EXT1: variants seen among roughly 807,000 people sequenced by gnomAD.
EXT1 encodes the protein exostosin-1.
EXT1 carries 20 observed loss-of-function variants against 82.5 expected under a neutral mutation model. That is an observed-to-expected ratio of 0.24 (90% confidence interval 0.17 to 0.35). EXT1 has a LOEUF of 0.35. Ranked by LOEUF, EXT1 falls within the 10% of genes least tolerant of loss-of-function variation. The pLI is 1.00. For missense variants in EXT1, 757 were observed against 936.5 expected, an observed-to-expected ratio of 0.81 and a Z score of 2.50; for synonymous variants, 348 against 350.8, an observed-to-expected ratio of 0.99 and a Z score of 0.09.
intron 1 of EXT1, among the ~76,000 whole-genome samples, chr8:117,860,648 G>C (rs1483368314): frequency 6.6e-6 from 1 of 152,196 alleles, no homozygotes; most frequent in Admixed American, 6.5e-5. Flanking sequence ...TTTAGTCCCT[G>C]TTGAATCTAA....
Position 117,965,358 on chromosome 8 carries a change from G to A in EXT1, c.963-128157C>T, listed in dbSNP as rs138472031. On this transcript the variant is annotated intron_variant, in intron 1 of 10. Coordinates refer to ENST00000378204, the MANE Select transcript of EXT1 (RefSeq NM_000127.3). ...ATTGCTACTGTTTAATTAATAACCT[G>A]GAGTGGAATCAGTGCCGCTAGTTGG... 6.3e-3 allele frequency among the ~76,000 whole-genome samples: 962 copies of A among 152,066 alleles called. 10 individuals carry two copies. Among genetic ancestry groups the A allele is most frequent in the African/African-American group, 0.022 (922 of 41,502 alleles).
intron 1 of EXT1, among the ~76,000 whole-genome samples, chr8:118,075,483 A>G (rs1396562335): frequency 2.6e-5 from 4 of 151,548 alleles, no homozygotes; most frequent in Non-Finnish European, 4.4e-5. Flanking sequence ...CAAGTTTCTC[A>G]TTATTTAAAC....
chr8:117,813,591 T>C (rs1396955645), intron 7 of EXT1, among the ~76,000 whole-genome samples: 1 of 152,142 alleles, frequency 6.6e-6, no homozygotes, highest in Non-Finnish European at 1.5e-5. Context: ...CATTTACAAA[T>C]TAAAATATGT....
At chr8:117,952,151 T>C (rs1360685525) in intron 1 of EXT1, among the ~76,000 whole-genome samples, 1 of 152,182 alleles carries the variant, frequency 6.6e-6, no homozygotes, top group Non-Finnish European at 1.5e-5. Flanking sequence ...GTAATTACCC[T>C]AGGAAAATCA....
At chr8:117,840,391 T>A (rs1198963649) in intron 1 of EXT1, among the ~76,000 whole-genome samples, 1 of 152,130 alleles carries the variant, frequency 6.6e-6, no homozygotes, top group East Asian at 1.9e-4. Flanking sequence ...GGCAGGCAGA[T>A]CACCTGATGT....
intron 1 of EXT1, among the ~76,000 whole-genome samples, chr8:118,040,855 T>C (rs1816515853): frequency 6.6e-6 from 1 of 152,212 alleles, no homozygotes; most frequent in Non-Finnish European, 1.5e-5. Flanking sequence ...TCAGTTAAGC[T>C]ACTAAATTTC....
chr8:117,840,242 C>T (rs894798683), intron 1 of EXT1, among the ~76,000 whole-genome samples: 1 of 152,118 alleles, frequency 6.6e-6, no homozygotes, highest in Non-Finnish European at 1.5e-5. Flanking sequence ...AGGAGCTTTA[C>T]TCTGGGGCAG....
chr8:117,969,936 A>C (rs1336986065), intron 1 of EXT1, among the ~76,000 whole-genome samples: 2 of 152,200 alleles, frequency 1.3e-5, no homozygotes, highest in Admixed American at 1.3e-4. Context: ...GCTGATTTTT[A>C]AAAGATTAGA....
In EXT1 at chr8:118,110,838, T is replaced by A; in HGVS notation, c.209A>T (p.Gln70Leu). The change falls in exon 1 of 11, where the codon CAA (glutamine) becomes CTA (leucine). Residue 70 changes from glutamine to leucine, a missense_variant. Coordinates refer to ENST00000378204, the MANE Select transcript of EXT1 (RefSeq NM_000127.3). ...CACGCTGGAATCCTCGTTTTCCAAT[T>A]GATCCCAAGGAACGAAGGGGCGCAG... ...DALRPFVPWD[Q>L]LENEDSSVHI... 6.2e-7 allele frequency: 1 copy of A among 1,612,532 alleles called. No homozygotes were observed. Among genetic ancestry groups the A allele is most frequent in the Non-Finnish European group, 8.5e-7 (1 of 1,178,844 alleles).
chr8:117,957,686 CA>C (rs1394526164), intron 1 of EXT1, among the ~76,000 whole-genome samples: 1 of 152,196 alleles, frequency 6.6e-6, no homozygotes, highest in Admixed American at 6.5e-5. Context: ...ACACCCAGCA[CA>C]ATCATTTGAG....
rs560839065 is a variant in EXT1 at position 117,802,124 on chromosome 8, T to C, written c.2056-2227A>G. Among the ~76,000 whole-genome samples, 298 of 152,252 alleles carry C rather than the reference T, an allele frequency of 2.0e-3. 1 individual carries two copies. The highest frequency in any genetic ancestry group is 6.8e-3 in the African/African-American group (283 of 41,560). The stretch of plus-strand genomic sequence containing the variant: ...TGTATGATGGAAAGAAGGGGGCAAA[T>C]ATAGTACCTGAATACACCTAGTTAG... On this transcript the variant is annotated intron_variant, in intron 10 of 10. Transcript: ENST00000378204.
At chr8:117,840,690 T>C (rs1205511881) in intron 1 of EXT1, among the ~76,000 whole-genome samples, 2 of 149,888 alleles carry the variant, frequency 1.3e-5, no homozygotes, top group East Asian at 1.9e-4. Context: ...CTAGAATACA[T>C]AAAGAACTCT....
intron 1 of EXT1, among the ~76,000 whole-genome samples, chr8:117,940,402 G>A (rs971161833): frequency 6.6e-6 from 1 of 152,100 alleles, no homozygotes; most frequent in Non-Finnish European, 1.5e-5. Flanking sequence ...ATTCCTGGAA[G>A]AGCCCCCCGT....
intron 1 of EXT1, among the ~76,000 whole-genome samples, chr8:118,079,530 T>G (rs1359692231): frequency 6.6e-6 from 1 of 152,164 alleles, no homozygotes; most frequent in Non-Finnish European, 1.5e-5. Flanking sequence ...CCAGGCATTG[T>G]TCAGCCGGCT....
At chr8:118,062,909 C>T (rs1423986112) in intron 1 of EXT1, among the ~76,000 whole-genome samples, 4 of 152,168 alleles carry the variant, frequency 2.6e-5, no homozygotes, top group South Asian at 2.1e-4. Context: ...CCTCAAACAC[C>T]TCATAACTAT....
At chr8:117,905,992 G>A (rs1813537098) in intron 1 of EXT1, among the ~76,000 whole-genome samples, 3 of 152,134 alleles carry the variant, frequency 2.0e-5, no homozygotes, top group South Asian at 4.1e-4. Flanking sequence ...CCAACAGGCT[G>A]TGGTACTGAG....
chr8:117,925,359 CA>C (rs5894404), intron 1 of EXT1, among the ~76,000 whole-genome samples: 3,777 of 142,458 alleles, frequency 0.027, 64 homozygotes, highest in Middle Eastern at 0.064. Context: ...GCAACCACCT[CA>C]AAAAAAAAAA....
At chr8:118,040,623 G>A (rs1269659959) in intron 1 of EXT1, among the ~76,000 whole-genome samples, 3 of 152,110 alleles carry the variant, frequency 2.0e-5, no homozygotes, top group African/African-American at 4.8e-5. Flanking sequence ...CCATCCAAAG[G>A]TCATCTCCTC....
chr8:117,923,242 A>C (rs1425993216), intron 1 of EXT1, among the ~76,000 whole-genome samples: 1 of 152,068 alleles, frequency 6.6e-6, no homozygotes, highest in Non-Finnish European at 1.5e-5. Flanking sequence ...AATCACTTGA[A>C]CCTGGGAGGT....
Sources: allele counts gnomAD v4.1 joint callset (sites outside exome capture counted in the v4.1 genomes callset), GRCh38; gene constraint gnomAD v4.1.1; transcripts MANE v1.5; gene names NCBI Gene and HGNC (gene_info 2026-07-23, HGNC 2026-07-21).